Variants in TMX4 observed in about 807,000 individuals in gnomAD.
The protein encoded by TMX4 is thioredoxin-related transmembrane protein 4.
Under a neutral mutation model 33.3 loss-of-function variants are expected in TMX4, and 23 were observed. The observed-to-expected ratio is 0.69, with a 90% confidence interval of 0.50 to 0.98. The LOEUF (loss-of-function observed/expected upper bound fraction) is 0.98, where lower values mean the gene tolerates loss of function less well. Ranked by LOEUF, TMX4 falls within the 50% of genes least tolerant of loss-of-function variation. The probability of loss-of-function intolerance (pLI) is 0.00; values close to 1 mark genes in which losing one functional copy is unlikely to be tolerated. For synonymous variants in TMX4, 164 were observed against 161.5 expected (o/e 1.02, Z -0.12); for missense variants, 399 against 448.9 (o/e 0.89, Z 1.01).
At chr20:7,985,154 G>T (rs545788001) in intron 6 of TMX4, among the ~76,000 whole-genome samples, 1 of 151,436 alleles carries the variant, frequency 6.6e-6, no homozygotes, top group African/African-American at 2.4e-5. Context: ...GAAATTAAAG[G>T]TTACTAAAAG....
At chr20:8,004,226 C>T (rs1051895326) in intron 2 of TMX4, among the ~76,000 whole-genome samples, 1 of 152,000 alleles carries the variant, frequency 6.6e-6, no homozygotes, top group African/African-American at 2.4e-5. Flanking sequence ...AACACTGATT[C>T]TATGACGTGT....
intron 1 of TMX4, among the ~76,000 whole-genome samples, chr20:8,018,558 G>A (rs1026705292): frequency 2.2e-5 from 3 of 134,608 alleles, no homozygotes; most frequent in Non-Finnish European, 1.5e-5. Flanking sequence ...GGTCTCTCAA[G>A]CCCGCTCAGA....
intron 1 of TMX4, among the ~76,000 whole-genome samples, chr20:8,015,831 T>G (rs1481467328): frequency 6.6e-6 from 1 of 152,204 alleles, no homozygotes; most frequent in East Asian, 1.9e-4. Context: ...AATTTAAATT[T>G]TGAAACATGA....
rs1472050179 is a variant in TMX4 at position 8,001,089 on chromosome 20, T to C, written c.338+407A>G. 5.3e-5 allele frequency among the ~76,000 whole-genome samples: 8 copies of C among 152,208 alleles called. No homozygotes were observed. The South Asian group carries it at 1.5e-3, about 28-fold the overall frequency. ...GTCTCTCTGGCCTCATCACTCAGCA[T>C]GATCCAGCTATACCTGTGGTCCAGC... On this transcript the variant is annotated intron_variant, in intron 3 of 7. Coordinates refer to ENST00000246024, the MANE Select transcript of TMX4 (RefSeq NM_021156.4).
At chr20:8,012,659 T>C (rs1423416174) in intron 1 of TMX4, among the ~76,000 whole-genome samples, 1 of 152,208 alleles carries the variant, frequency 6.6e-6, no homozygotes, top group Non-Finnish European at 1.5e-5. Flanking sequence ...GCTCTTTGCA[T>C]ATAAATCACA....
At chr20:7,989,570 T>C (rs1246027730) in intron 5 of TMX4, among the ~76,000 whole-genome samples, 1 of 152,226 alleles carries the variant, frequency 6.6e-6, no homozygotes, top group Non-Finnish European at 1.5e-5. Flanking sequence ...TTAACGGAAT[T>C]TGAGTTTCTT....
intron 1 of TMX4, among the ~76,000 whole-genome samples, chr20:8,014,777 A>G (rs2050766105): frequency 6.6e-6 from 1 of 152,156 alleles, no homozygotes; most frequent in Non-Finnish European, 1.5e-5. Flanking sequence ...GAGATGGTAA[A>G]AGCTTGGATG....
intron 2 of TMX4, among the ~76,000 whole-genome samples, chr20:8,003,137 A>G (rs1032839999): frequency 1.3e-5 from 2 of 152,186 alleles, no homozygotes; most frequent in Admixed American, 6.5e-5. Context: ...TGTTATTCCT[A>G]AATACTTAAA....
chr20:8,009,038 T>A (rs1034238158), intron 2 of TMX4, among the ~76,000 whole-genome samples: 1 of 152,188 alleles, frequency 6.6e-6, no homozygotes, highest in Non-Finnish European at 1.5e-5. Flanking sequence ...AATGAATGTC[T>A]ACACTTCTAT....
Position 7,996,205 on chromosome 20 carries a change from T to C in TMX4, c.468-134A>G, listed in dbSNP as rs76607848. 2.8e-4 allele frequency: 180 copies of C among 648,916 alleles called. No homozygotes were observed. The East Asian group carries it at 4.8e-3, about 17-fold the overall frequency. 40.2% of individuals were successfully genotyped at this position (648,916 alleles called of 1,614,324 possible). A position where few individuals can be genotyped will look rare whatever the true frequency, so the allele number is the denominator to read the frequency against. On this transcript the variant is annotated intron_variant, in intron 4 of 7. Transcript: ENST00000246024. ...GCCCCCTCTCCCAGATTCATATCTG[T>C]TCTTACAGAGCTTAGATTCAGTGGC... is the stretch of plus-strand genomic sequence containing the variant.
At chr20:7,989,644 G>A (rs2050645805) in intron 5 of TMX4, among the ~76,000 whole-genome samples, 1 of 152,100 alleles carries the variant, frequency 6.6e-6, no homozygotes, top group Non-Finnish European at 1.5e-5. Flanking sequence ...TAATCAGGTT[G>A]TACTTTCACA....
Position 8,005,624 on chromosome 20 carries a change from C to T in TMX4, c.293-4083G>A, listed in dbSNP as rs116136889. Among the ~76,000 whole-genome samples the T allele has an allele frequency of 1.9e-3, 283 of 152,242 alleles. 3 individuals carry two copies. The highest frequency in any genetic ancestry group is 6.6e-3 in the African/African-American group (273 of 41,538). ...GCTCCCATCCTGTGCATATATAAACCCTGAGTCTCTAGCAGGCACACAAAC... is the reference window on the plus strand; with the variant it reads ...GCTCCCATCCTGTGCATATATAAACTCTGAGTCTCTAGCAGGCACACAAAC... On this transcript the variant is annotated intron_variant, in intron 2 of 7. Coordinates refer to ENST00000246024, the MANE Select transcript of TMX4 (RefSeq NM_021156.4).
rs1212373114 is a variant in TMX4 at position 7,979,417 on chromosome 20, A to G, written c.*2834T>C. On this transcript the variant is annotated 3_prime_UTR_variant, in exon 8 of 8. Coordinates refer to ENST00000246024, the MANE Select transcript of TMX4 (RefSeq NM_021156.4). ...AAGATGTTTTTCTCCTCACCCTTCAATTTTTTTTAAAAGTATTTCTGAGAA... is the reference window on the plus strand; with the variant it reads ...AAGATGTTTTTCTCCTCACCCTTCAGTTTTTTTTAAAAGTATTTCTGAGAA... 6.6e-6 allele frequency: 1 copy of G among 151,842 alleles called. No individual in the cohort carries two copies. The highest frequency in any genetic ancestry group is 1.5e-5 in the Non-Finnish European group (1 of 67,974). The allele number at this position is 151,842 out of a possible 1,614,324, so 9.4% of individuals were successfully genotyped here. A position where few individuals can be genotyped will look rare whatever the true frequency, so the allele number is the denominator to read the frequency against.
At chr20:7,996,988 C>T (rs1009450126) in intron 4 of TMX4, among the ~76,000 whole-genome samples, 1 of 152,114 alleles carries the variant, frequency 6.6e-6, no homozygotes. Flanking sequence ...ATTCAATGTC[C>T]ATGTCTCAGA....
intron 5 of TMX4, among the ~76,000 whole-genome samples, chr20:7,989,637 T>G (rs960997070): frequency 1.3e-5 from 2 of 152,206 alleles, no homozygotes; most frequent in African/African-American, 4.8e-5. Flanking sequence ...TATTCATTAA[T>G]CAGGTTGTAC....
chr20:8,013,209 G>T (rs1378954731), intron 1 of TMX4, among the ~76,000 whole-genome samples: 1 of 151,968 alleles, frequency 6.6e-6, no homozygotes, highest in Non-Finnish European at 1.5e-5. Flanking sequence ...AATTGAACAT[G>T]ATCTTCATTA....
At chr20:8,015,674 T>C (rs1308254868) in intron 1 of TMX4, among the ~76,000 whole-genome samples, 2 of 152,170 alleles carry the variant, frequency 1.3e-5, no homozygotes, top group African/African-American at 4.8e-5. Flanking sequence ...TCTATTAAAC[T>C]GCAAGAAATT....
In TMX4 at chr20:7,993,781, G is replaced by GCACACACACA. The variant is rs138693877; in HGVS notation, c.513+2235_513+2244dup. Reference sequence around the variant, plus strand: ...AGATTTCACAAATTATTAAGGTAATGCACACACACACACACACACGGAGAT... The same window carrying GCACACACACA: ...AGATTTCACAAATTATTAAGGTAATGCACACACACACACACACACACACACACACGGAGAT... On this transcript the variant is annotated intron_variant, in intron 5 of 7. Transcript: ENST00000246024. Among the ~76,000 whole-genome samples the GCACACACACA allele has an allele frequency of 9.2e-3, 1,371 of 149,388 alleles. 14 individuals carry two copies. The highest frequency in any genetic ancestry group is 0.024 in the Middle Eastern group (7 of 288).
rs559141886 is a variant in TMX4 at position 8,009,006 on chromosome 20, G to A, written c.292+1194C>T. Among the ~76,000 whole-genome samples the A allele has an allele frequency of 2.4e-3, 371 of 152,038 alleles. 1 individual carries two copies. The highest frequency in any genetic ancestry group is 8.3e-3 in the South Asian group (40 of 4,816). On this transcript the variant is annotated intron_variant, in intron 2 of 7. Coordinates refer to ENST00000246024, the MANE Select transcript of TMX4 (RefSeq NM_021156.4). ...GTACTTCATTATTTAAGTGTTTTTT[G>A]AACTCACAGTTTATTATAGAAAATG...
Sources: gnomAD v4.1 joint callset for allele counts (sites outside exome capture counted in the v4.1 genomes callset) on GRCh38, gnomAD v4.1.1 for gene constraint, MANE v1.5 for transcripts, NCBI Gene and HGNC (gene_info 2026-07-23, HGNC 2026-07-21) for gene names.